ABCA13: variants seen among roughly 807,000 people sequenced by gnomAD.
The protein encoded by ABCA13 is ATP-binding cassette sub-family A member 13.
ABCA13 carries 476 observed loss-of-function variants against 478.7 expected under a neutral mutation model. That is an observed-to-expected ratio of 0.99 (90% CI 0.92 to 1.07). The LOEUF (loss-of-function observed/expected upper bound fraction) is 1.07. Ranked by LOEUF, ABCA13 falls within the 50% of genes least tolerant of loss-of-function variation. The pLI, the probability that ABCA13 is intolerant of heterozygous loss-of-function variation, is 0.00. For synonymous variants in ABCA13, 2,252 were observed against 2,158.9 expected, an observed-to-expected ratio of 1.04 and a Z score of -1.20; for missense variants, 6,060 against 5,910.6, an observed-to-expected ratio of 1.03 and a Z score of -0.83.
chr7:48,398,405 A>G (rs546870889), intron 38 of ABCA13, among the ~76,000 whole-genome samples: 2 of 152,304 alleles, frequency 1.3e-5, no homozygotes, highest in Admixed American at 6.5e-5. Flanking sequence ...GAATAAGATC[A>G]TGTTTTAGGA....
Position 48,341,174 on chromosome 7 carries a change from T to C in ABCA13, c.10204+2719T>C, listed in dbSNP as rs373471908. ...TCCCTTATTTACCATGTTTCCCTTT[T>C]CCTAGAGTTTCATGCTCTCTTGCTA... On this transcript the variant is annotated intron_variant, in intron 29 of 61. Transcript: ENST00000435803. Among the ~76,000 whole-genome samples the C allele has an allele frequency of 2.6e-5, 4 of 152,322 alleles. No individual in the cohort carries two copies. The East Asian group carries it at 5.8e-4, about 22-fold the overall frequency.
intron 32 of ABCA13, among the ~76,000 whole-genome samples, chr7:48,368,837 G>T (rs191516151): frequency 6.6e-6 from 1 of 150,600 alleles, no homozygotes; most frequent in African/African-American, 2.4e-5. Flanking sequence ...TGGGCATCTG[G>T]GTTGGTTCCA....
intron 55 of ABCA13, among the ~76,000 whole-genome samples, chr7:48,533,528 T>G (rs558817845): frequency 1.1e-4 from 16 of 152,258 alleles, no homozygotes; most frequent in Middle Eastern, 3.4e-3. Flanking sequence ...GGGTATAGTT[T>G]AAGTCCATTG....
chr7:48,285,828 T>C (rs1797659725), intron 19 of ABCA13, among the ~76,000 whole-genome samples: 1 of 152,192 alleles, frequency 6.6e-6, no homozygotes, highest in African/African-American at 2.4e-5. Context: ...TTACCTTCAT[T>C]TCAAATTTTA....
chr7:48,589,187 G>A (rs1427519747), intron 57 of ABCA13, among the ~76,000 whole-genome samples: 1 of 152,200 alleles, frequency 6.6e-6, no homozygotes, highest in East Asian at 1.9e-4. Context: ...ATACTTTGGT[G>A]TCTATTGAAG....
intron 35 of ABCA13, among the ~76,000 whole-genome samples, chr7:48,377,603 T>C (rs73697153): frequency 0.026 from 4,011 of 152,166 alleles, 182 homozygotes; most frequent in African/African-American, 0.091. Flanking sequence ...AAAAGATCAT[T>C]TTACACAAAA....
At chr7:48,634,218 A>G (rs1006121666) in intron 59 of ABCA13, among the ~76,000 whole-genome samples, 1 of 152,080 alleles carries the variant, frequency 6.6e-6, no homozygotes, top group Non-Finnish European at 1.5e-5. Context: ...TTTTGTGTTC[A>G]TATTCTTAAG....
Position 48,614,995 on chromosome 7 carries a change from C to CTGCACATTG in ABCA13, c.14745-282_14745-274dup, listed in dbSNP as rs2131563588. Among the ~76,000 whole-genome samples, 2 of 149,812 alleles carry CTGCACATTG rather than the reference C, an allele frequency of 1.3e-5. 1 individual carries two copies. Among genetic ancestry groups the CTGCACATTG allele is most frequent in the South Asian group, 4.3e-4 (2 of 4,650 alleles). ...GCACATGTATACATATGTAACAAAC[C>CTGCACATTG]TGCACATTGTGCACATGTACCCTAA... On this transcript the variant is annotated intron_variant, in intron 58 of 61. Transcript: ENST00000435803.
chr7:48,616,116 CTTATT>C (rs2131571126), intron 59 of ABCA13, among the ~76,000 whole-genome samples: 1 of 152,252 alleles, frequency 6.6e-6, no homozygotes, highest in South Asian at 2.1e-4. Context: ...TGATAAATCT[CTTATT>C]TTCATTTATT....
chr7:48,326,039 A>T (rs1310155481), intron 27 of ABCA13, among the ~76,000 whole-genome samples: 3 of 152,246 alleles, frequency 2.0e-5, no homozygotes, highest in Non-Finnish European at 4.4e-5. Flanking sequence ...CACCTGCAGA[A>T]ATCCCTGGGA....
At chr7:48,553,885 C>G (rs1448602238) in intron 55 of ABCA13, among the ~76,000 whole-genome samples, 1 of 151,766 alleles carries the variant, frequency 6.6e-6, no homozygotes, top group African/African-American at 2.4e-5. Context: ...AAATTTTTGC[C>G]CAGACCAATG....
intron 15 of ABCA13, among the ~76,000 whole-genome samples, chr7:48,264,262 G>A (rs1794582638): frequency 6.6e-6 from 1 of 151,776 alleles, no homozygotes; most frequent in Admixed American, 6.6e-5. Context: ...GAACATTCAC[G>A]GACAAGTCTT....
rs575034184 is a variant in ABCA13, at chr7:48,282,973, G to A, written c.8836+1521G>A. Among the ~76,000 whole-genome samples the A allele has an allele frequency of 2.0e-4, 30 of 152,330 alleles. No homozygotes were observed. The East Asian group carries it at 3.9e-3, about 20-fold the overall frequency. On this transcript the variant is annotated intron_variant, in intron 19 of 61. Transcript: ENST00000435803. ...GTGCCAGAAGCTCTTCTATACTTAC[G>A]TCATGTTTCACTGGAATTACCAAAT...
chr7:48,595,418 CT>C (rs1406994022), intron 58 of ABCA13, among the ~76,000 whole-genome samples: 3 of 152,144 alleles, frequency 2.0e-5, no homozygotes, highest in African/African-American at 7.2e-5. Flanking sequence ...AAAGACCAGG[CT>C]TTAATGTTTA....
intron 39 of ABCA13, among the ~76,000 whole-genome samples, chr7:48,409,884 A>C (rs908303234): frequency 2.7e-5 from 4 of 150,490 alleles, no homozygotes; most frequent in African/African-American, 7.3e-5. Context: ...GTTCAAGACC[A>C]GCCTGGCCAA....
At position 48,249,162 on chromosome 7, in the gene ABCA13, G is replaced by T. The variant is rs11979521; in HGVS notation, c.1866-50G>T. On this transcript the variant is annotated intron_variant, in intron 14 of 61. Coordinates refer to ENST00000435803, the MANE Select transcript of ABCA13 (RefSeq NM_152701.5). Reference sequence around the variant, plus strand: ...AAAAATTTATAATGATCTGTCATCTGCAAGATCATTTTTAAATTTTAATTT... The same window carrying T: ...AAAAATTTATAATGATCTGTCATCTTCAAGATCATTTTTAAATTTTAATTT... 6,419 of 1,532,250 alleles carry T rather than the reference G, an allele frequency of 4.2e-3. 244 individuals carry two copies. In the African/African-American group the frequency reaches 0.079, roughly 19 times the overall value. The allele number at this position is 1,532,250 out of a possible 1,614,324, so 94.9% of individuals were successfully genotyped here. A position where few individuals can be genotyped will look rare whatever the true frequency, so the allele number is the denominator to read the frequency against.
At chr7:48,543,765 T>C (rs1321832650) in intron 55 of ABCA13, among the ~76,000 whole-genome samples, 2 of 151,888 alleles carry the variant, frequency 1.3e-5, no homozygotes, top group Non-Finnish European at 2.9e-5. Flanking sequence ...CAGATACATA[T>C]ATATTTTTAA....
At chr7:48,296,893 C>T (rs1799451911) in intron 21 of ABCA13, among the ~76,000 whole-genome samples, 1 of 152,234 alleles carries the variant, frequency 6.6e-6, no homozygotes, top group South Asian at 2.1e-4. Flanking sequence ...TGATGTTCAT[C>T]TGACCCTGGC....
intron 48 of ABCA13, among the ~76,000 whole-genome samples, chr7:48,491,516 G>A (rs774007634): frequency 3.9e-5 from 6 of 152,146 alleles, no homozygotes; most frequent in Non-Finnish European, 5.9e-5. Flanking sequence ...ACTTCCAGAG[G>A]GCTAGTTCAA....
Sources: gnomAD v4.1 joint callset for allele counts (sites outside exome capture counted in the v4.1 genomes callset) on GRCh38, gnomAD v4.1.1 for gene constraint, MANE v1.5 for transcripts, NCBI Gene and HGNC (gene_info 2026-07-23, HGNC 2026-07-21) for gene names.